The following CTNND2 variants were observed in gnomAD, a reference collection of about 807,000 sequenced individuals.
CTNND2 encodes the protein catenin delta 2.
In CTNND2, 22 loss-of-function variants were observed where a neutral mutation model predicts 144.4. That is an observed-to-expected ratio of 0.15 (90% CI 0.11 to 0.22). The LOEUF (loss-of-function observed/expected upper bound fraction) is 0.22. Among genes scored for constraint, CTNND2 ranks in the 10% least tolerant of loss-of-function variants. The probability of loss-of-function intolerance (pLI) is 1.00; values close to 1 mark genes in which losing one functional copy is unlikely to be tolerated. For missense variants in CTNND2, 1,353 were observed against 1,618.8 expected (o/e 0.84, Z 2.82); for synonymous variants, 751 against 695.6 (o/e 1.08, Z -1.25).
intron 2 of CTNND2, among the ~76,000 whole-genome samples, chr5:11,701,263 C>G (rs1332698629): frequency 1.3e-5 from 2 of 152,196 alleles, no homozygotes; most frequent in African/African-American, 4.8e-5. Flanking sequence ...AACCCTAGCA[C>G]TACCCCATCA....
At position 11,501,123 on chromosome 5, in the gene CTNND2, G is replaced by A. The variant is rs867914902; in HGVS notation, c.287+63821C>T. Among the ~76,000 whole-genome samples the A allele has an allele frequency of 2.6e-5, 4 of 152,146 alleles. No homozygotes were observed. In the South Asian group the frequency reaches 8.3e-4, roughly 32 times the overall value. On this transcript the variant is annotated intron_variant, in intron 3 of 21. Coordinates refer to ENST00000304623, the MANE Select transcript of CTNND2 (RefSeq NM_001332.4). ...TAAAGAGGACAGGGTTTATCTAATT[G>A]TTCATTCTCTTATTAGATAGCCTGT...
At position 10,992,694 on chromosome 5, in the gene CTNND2, G is replaced by A. The variant is rs1481469053; in HGVS notation, c.3085-17C>T. On this transcript the variant is annotated splice_polypyrimidine_tract_variant and intron_variant, in intron 18 of 21. Coordinates refer to ENST00000304623, the MANE Select transcript of CTNND2 (RefSeq NM_001332.4). ...CCATCCATCCTGCAAAACACAGCAC[G>A]CTCCTGTTAGATGGGCAAGACAGAG... 2.5e-6 allele frequency: 4 copies of A among 1,612,406 alleles called. No individual in the cohort carries two copies. In the African/African-American group the frequency reaches 4.0e-5, roughly 16 times the overall value.
intron 3 of CTNND2, among the ~76,000 whole-genome samples, chr5:11,416,036 G>A (rs1761907811): frequency 6.6e-6 from 1 of 152,062 alleles, no homozygotes; most frequent in South Asian, 2.1e-4. Flanking sequence ...TGATCCTGAA[G>A]AATAAATGTC....
chr5:11,154,729 C>T lies in CTNND2; in HGVS notation c.2159+4847G>A, dbSNP rs759005349. ...GAAACTTATTATCTCACGTTCTGGA[C>T]GCCAGAAATCTAAAATCAAGGTGCC... On this transcript the variant is annotated intron_variant, in intron 12 of 21. Coordinates refer to ENST00000304623, the MANE Select transcript of CTNND2 (RefSeq NM_001332.4). 5.3e-4 allele frequency among the ~76,000 whole-genome samples: 81 copies of T among 152,250 alleles called. 1 individual carries two copies. The highest frequency in any genetic ancestry group is 5.9e-4 in the Admixed American group (9 of 15,294).
chr5:11,005,473 T>C (rs1453487509), intron 18 of CTNND2, among the ~76,000 whole-genome samples: 1 of 152,136 alleles, frequency 6.6e-6, no homozygotes, highest in Non-Finnish European at 1.5e-5. Context: ...TAGGCAGTAA[T>C]ATTGTACCAG....
intron 2 of CTNND2, among the ~76,000 whole-genome samples, chr5:11,627,269 A>G (rs997529855): frequency 2.0e-5 from 3 of 152,200 alleles, no homozygotes; most frequent in Non-Finnish European, 4.4e-5. Flanking sequence ...ATAATTCTTC[A>G]AGACCTATCC....
chr5:11,368,053 C>T (rs1401002458), intron 7 of CTNND2, among the ~76,000 whole-genome samples: 9 of 152,120 alleles, frequency 5.9e-5, no homozygotes, highest in Non-Finnish European at 1.0e-4. Flanking sequence ...TTTTCATATA[C>T]AATGCGTTTC....
chr5:11,535,869 T>C (rs1175836593), intron 3 of CTNND2, among the ~76,000 whole-genome samples: 2 of 152,192 alleles, frequency 1.3e-5, no homozygotes, highest in Non-Finnish European at 2.9e-5. Context: ...GTGTCTTGAA[T>C]GCTTGACTTT....
At position 11,844,597 on chromosome 5, in the gene CTNND2, C is replaced by G. The variant is rs201607069; in HGVS notation, c.37+59220G>C. 3.5e-4 allele frequency among the ~76,000 whole-genome samples: 54 copies of G among 152,152 alleles called. No homozygotes were observed. The East Asian group carries it at 8.1e-3, about 23-fold the overall frequency. Reference sequence around the variant, plus strand: ...GGCATTAGTATTACAAAAAGTAACACAGAAGTTCTGGCATATCCCAGAACT... The same window carrying G: ...GGCATTAGTATTACAAAAAGTAACAGAGAAGTTCTGGCATATCCCAGAACT... On this transcript the variant is annotated intron_variant, in intron 1 of 21. Transcript: ENST00000304623.
chr5:11,659,863 T>C lies in CTNND2; in HGVS notation c.174+72273A>G, dbSNP rs186076754. 2.4e-4 allele frequency among the ~76,000 whole-genome samples: 37 copies of C among 152,302 alleles called. 1 individual carries two copies. In the East Asian group the frequency reaches 6.9e-3, roughly 29 times the overall value. The stretch of plus-strand genomic sequence containing the variant: ...ACATCAGCTACCAGTAACGTCTTTA[T>C]GACCAGAAGCAGAATTCCAGGCAAA... On this transcript the variant is annotated intron_variant, in intron 2 of 21. Coordinates refer to ENST00000304623, the MANE Select transcript of CTNND2 (RefSeq NM_001332.4).
At chr5:11,808,258 A>C (rs1792120310) in intron 1 of CTNND2, among the ~76,000 whole-genome samples, 1 of 152,208 alleles carries the variant, frequency 6.6e-6, no homozygotes, top group Admixed American at 6.5e-5. Context: ...ATTGCCATAT[A>C]TTTAATGAAC....
intron 9 of CTNND2, among the ~76,000 whole-genome samples, chr5:11,315,731 G>T (rs1010817226): frequency 6.6e-6 from 1 of 152,166 alleles, no homozygotes; most frequent in South Asian, 2.1e-4. Context: ...TTTCATTTCA[G>T]TGCCATAGTC....
At chr5:11,008,311 A>G (rs1240076013) in intron 18 of CTNND2, among the ~76,000 whole-genome samples, 1 of 152,184 alleles carries the variant, frequency 6.6e-6, no homozygotes, top group African/African-American at 2.4e-5. Flanking sequence ...ATCATTCTGA[A>G]TATCCCAGTA....
intron 7 of CTNND2, among the ~76,000 whole-genome samples, chr5:11,372,111 T>C (rs1048972950): frequency 3.3e-5 from 5 of 152,240 alleles, no homozygotes; most frequent in East Asian, 1.9e-4. Context: ...GGTTTTCCGA[T>C]ACAATTTATT....
intron 3 of CTNND2, among the ~76,000 whole-genome samples, chr5:11,558,381 T>TGA (rs1554083689): frequency 1.8e-4 from 7 of 39,376 alleles, no homozygotes; most frequent in South Asian, 1.0e-3. Flanking sequence ...TGTGTGTGTG[T>TGA]GACACACAAG....
rs149593444 is a variant in CTNND2 at position 11,238,897 on chromosome 5, A to C, written c.1629-2074T>G. 7.5e-4 allele frequency among the ~76,000 whole-genome samples: 115 copies of C among 152,336 alleles called. 1 individual carries two copies. The East Asian group carries it at 0.019, about 26-fold the overall frequency. ...GTAGAAAACAATCATAGAATTAAAA[A>C]TGTAAAGCCTGTTTTTCTCTCAAAT... On this transcript the variant is annotated intron_variant, in intron 9 of 21. Transcript: ENST00000304623.
At chr5:11,540,729 C>T (rs917943880) in intron 3 of CTNND2, among the ~76,000 whole-genome samples, 3 of 152,072 alleles carry the variant, frequency 2.0e-5, no homozygotes, top group Non-Finnish European at 2.9e-5. Context: ...AAGCTGGTTT[C>T]GAACTCCTGA....
chr5:11,114,843 G>T (rs1195645781), intron 13 of CTNND2, among the ~76,000 whole-genome samples: 5 of 152,164 alleles, frequency 3.3e-5, no homozygotes, highest in African/African-American at 9.7e-5. Flanking sequence ...CATTGTGAAA[G>T]CTCAAAAGCG....
chr5:11,826,487 A>T (rs887837707), intron 1 of CTNND2, among the ~76,000 whole-genome samples: 3 of 152,208 alleles, frequency 2.0e-5, no homozygotes, highest in African/African-American at 7.2e-5. Flanking sequence ...AAAATGGTTG[A>T]TGTAAACCCA....
Sources: gnomAD v4.1 joint callset for allele counts (sites outside exome capture counted in the v4.1 genomes callset) on GRCh38, gnomAD v4.1.1 for gene constraint, MANE v1.5 for transcripts, NCBI Gene and HGNC (gene_info 2026-07-23, HGNC 2026-07-21) for gene names.